TAFA1: variants seen among roughly 807,000 people sequenced by gnomAD.
TAFA1 encodes TAFA chemokine like family member 1, also known as chemokine-like protein TAFA-1.
In TAFA1, 4 loss-of-function variants were observed where a neutral mutation model predicts 18.5. That is an observed-to-expected ratio of 0.22 (90% CI 0.11 to 0.49). The LOEUF is 0.49. Among genes scored for constraint, TAFA1 ranks in the 20% least tolerant of loss-of-function variants. The pLI is 0.98. For synonymous variants in TAFA1, 56 were observed against 55.2 expected (o/e 1.01, Z -0.06); for missense variants, 147 against 169.0 (o/e 0.87, Z 0.72).
At chr3:68,541,727 T>C (rs2106795579) in intron 4 of TAFA1, among the ~76,000 whole-genome samples, 1 of 152,318 alleles carries the variant, frequency 6.6e-6, no homozygotes, top group East Asian at 1.9e-4. Context: ...TTCATACTGT[T>C]ATTTTAAAAG....
chr3:68,338,307 A>G (rs923708), intron 2 of TAFA1, among the ~76,000 whole-genome samples: 26,050 of 152,160 alleles, frequency 0.17, 2,694 homozygotes, highest in South Asian at 0.23. Flanking sequence ...GCCTTTGGCT[A>G]TGTTCTACAG....
chr3:68,147,516 G>T (rs150622908), intron 2 of TAFA1, among the ~76,000 whole-genome samples: 1 of 151,864 alleles, frequency 6.6e-6, no homozygotes, highest in African/African-American at 2.4e-5. Context: ...TGTTAAGCTC[G>T]CTTTCCTGAG....
At chr3:68,461,457 C>G (rs1323631994) in intron 3 of TAFA1, among the ~76,000 whole-genome samples, 1 of 149,016 alleles carries the variant, frequency 6.7e-6, no homozygotes, top group Non-Finnish European at 1.5e-5. Context: ...TTATTTTTCC[C>G]CTACCAGCAT....
chr3:68,385,317 C>T (rs897141366), intron 2 of TAFA1, among the ~76,000 whole-genome samples: 8 of 152,070 alleles, frequency 5.3e-5, no homozygotes, highest in Non-Finnish European at 1.0e-4. Context: ...AACAACATGG[C>T]GTTTCCCCAG....
chr3:68,397,191 C>T (rs976792728), intron 2 of TAFA1, among the ~76,000 whole-genome samples: 2 of 152,052 alleles, frequency 1.3e-5, no homozygotes, highest in South Asian at 2.1e-4. Flanking sequence ...ATGTACAGAA[C>T]ATGTAGGTTT....
chr3:68,065,663 A>G (rs1286553314), intron 2 of TAFA1, among the ~76,000 whole-genome samples: 5 of 151,866 alleles, frequency 3.3e-5, no homozygotes, highest in Non-Finnish European at 7.4e-5. Context: ...ATATGTGTGT[A>G]TATATACATA....
chr3:68,123,266 G>A (rs1312046924), intron 2 of TAFA1, among the ~76,000 whole-genome samples: 1 of 152,160 alleles, frequency 6.6e-6, no homozygotes, highest in Non-Finnish European at 1.5e-5. Context: ...CAGAGACTGG[G>A]CTGTTGCCTT....
the TAFA1 span, among the ~76,000 whole-genome samples, chr3:67,995,705 G>A: frequency 6.6e-6 from 1 of 152,162 alleles, no homozygotes; most frequent in Non-Finnish European, 1.5e-5. Context: ...GTGGAGAAAA[G>A]AAGAAGTGAT....
chr3:68,376,036 T>C (rs1484790216), intron 2 of TAFA1, among the ~76,000 whole-genome samples: 1 of 152,312 alleles, frequency 6.6e-6, no homozygotes, highest in Non-Finnish European at 1.5e-5. Flanking sequence ...TTAAACTTTA[T>C]CTATTGTTTG....
At chr3:68,319,108 C>T (rs920596569) in intron 2 of TAFA1, among the ~76,000 whole-genome samples, 4 of 152,022 alleles carry the variant, frequency 2.6e-5, no homozygotes, top group African/African-American at 9.7e-5. Context: ...TTTGGTTCAC[C>T]TTAAGGACAT....
chr3:68,001,250 T>C (rs1704280598), upstream of TAFA1, among the ~76,000 whole-genome samples: 1 of 152,202 alleles, frequency 6.6e-6, no homozygotes, highest in Admixed American at 6.5e-5. Context: ...TCTTTCTTTT[T>C]CTTCTGCCTG....
intron 2 of TAFA1, among the ~76,000 whole-genome samples, chr3:68,132,080 T>C (rs2065546881): frequency 1.3e-5 from 2 of 152,166 alleles, no homozygotes; most frequent in Non-Finnish European, 2.9e-5. Context: ...TCTCTCTGTG[T>C]CCATGTGTTC....
chr3:68,026,110 C>G (rs1024472338), intron 2 of TAFA1, among the ~76,000 whole-genome samples: 1 of 152,032 alleles, frequency 6.6e-6, no homozygotes, highest in African/African-American at 2.4e-5. Context: ...TCAAATCTAA[C>G]GTAAGTATTT....
intron 2 of TAFA1, among the ~76,000 whole-genome samples, chr3:68,215,771 A>G (rs981663866): frequency 6.6e-6 from 1 of 152,076 alleles, no homozygotes; most frequent in Non-Finnish European, 1.5e-5. Flanking sequence ...AAAGCTAAAC[A>G]TAATCTTACC....
intron 3 of TAFA1, among the ~76,000 whole-genome samples, chr3:68,524,978 G>A (rs1222660949): frequency 6.6e-6 from 1 of 152,200 alleles, no homozygotes; most frequent in East Asian, 1.9e-4. Flanking sequence ...GCCGTTTCTA[G>A]GTTTTATTGT....
intron 2 of TAFA1, among the ~76,000 whole-genome samples, chr3:68,198,575 A>G (rs891564203): frequency 2.7e-5 from 4 of 150,572 alleles, no homozygotes; most frequent in African/African-American, 9.7e-5. Context: ...ATTCTAATAG[A>G]TGTGTAGTAA....
intron 2 of TAFA1, among the ~76,000 whole-genome samples, chr3:68,187,959 G>A (rs1476060450): frequency 1.3e-5 from 2 of 151,828 alleles, no homozygotes; most frequent in Non-Finnish European, 2.9e-5. Flanking sequence ...GGGATATTCT[G>A]TTTAATAAAG....
chr3:68,403,808 A>G (rs1406442655), intron 2 of TAFA1, among the ~76,000 whole-genome samples: 1 of 152,202 alleles, frequency 6.6e-6, no homozygotes, highest in Non-Finnish European at 1.5e-5. Flanking sequence ...GCAGGAAGAG[A>G]GCCCTGGAAG....
chr3:68,015,218 C>G (rs1250427249), intron 2 of TAFA1, among the ~76,000 whole-genome samples: 1 of 151,830 alleles, frequency 6.6e-6, no homozygotes, highest in Non-Finnish European at 1.5e-5. Flanking sequence ...ATAATGAAGA[C>G]AATAGTTGAT....
Sources: allele counts gnomAD v4.1 joint callset (sites outside exome capture counted in the v4.1 genomes callset), GRCh38; gene constraint gnomAD v4.1.1; transcripts MANE v1.5; gene names NCBI Gene and HGNC (gene_info 2026-07-23, HGNC 2026-07-21).